PIEZO2: variants seen among roughly 807,000 people sequenced by gnomAD.
PIEZO2 encodes piezo type mechanosensitive ion channel component 2, also known as piezo-type mechanosensitive ion channel component 2.
In PIEZO2, 172 loss-of-function variants were observed where a neutral mutation model predicts 337.3. The ratio of observed to expected loss-of-function variants is 0.51; its 90% CI spans 0.45 to 0.58. PIEZO2 has a LOEUF of 0.58. Among genes scored for constraint, PIEZO2 ranks in the 20% least tolerant of loss-of-function variants. The pLI, the probability that PIEZO2 is intolerant of heterozygous loss-of-function variation, is 0.00. For missense variants in PIEZO2, 3,028 were observed against 3,391.3 expected, an observed-to-expected ratio of 0.89 and a Z score of 2.66; for synonymous variants, 1,251 against 1,228.5, an observed-to-expected ratio of 1.02 and a Z score of -0.38.
In PIEZO2 at chr18:11,057,916, T is replaced by G. The variant is rs189763872; in HGVS notation, c.160+8211A>C. Among the ~76,000 whole-genome samples the G allele has an allele frequency of 7.2e-5, 11 of 152,340 alleles. 1 individual carries two copies. Among genetic ancestry groups the G allele is most frequent in the Admixed American group, 6.5e-4 (10 of 15,306 alleles). ...TCTATAGCACAGTAGTATGTAACAC[T>G]TTGCAACAAATCATCAGCTTAAACA... is the stretch of plus-strand genomic sequence containing the variant. On this transcript the variant is annotated intron_variant, in intron 2 of 55. Transcript: ENST00000674853.
intron 49 of PIEZO2, among the ~76,000 whole-genome samples, chr18:10,684,155 C>CTTTTTTTTTTTTTTT (rs71169941): frequency 1.6e-5 from 1 of 61,396 alleles, no homozygotes; most frequent in African/African-American, 6.6e-5. Context: ...TGTCTTTCCT[C>CTTTTTTTTTTTTTTT]TTTTTTTTTT....
intron 3 of PIEZO2, among the ~76,000 whole-genome samples, chr18:10,944,356 T>A (rs2032892639): frequency 1.3e-5 from 2 of 151,694 alleles, no homozygotes; most frequent in Non-Finnish European, 2.9e-5. Flanking sequence ...GGATAACGTG[T>A]ACCAATTTTT....
At chr18:10,914,771 G>C (rs1415663519) in intron 3 of PIEZO2, among the ~76,000 whole-genome samples, 2 of 152,080 alleles carry the variant, frequency 1.3e-5, no homozygotes, top group African/African-American at 4.8e-5. Context: ...TGTAGATCCA[G>C]TATCCGGTCA....
intron 2 of PIEZO2, among the ~76,000 whole-genome samples, chr18:11,049,065 A>G (rs1333820317): frequency 6.6e-6 from 1 of 152,182 alleles, no homozygotes; most frequent in East Asian, 1.9e-4. Flanking sequence ...AATTGACTCA[A>G]AAAATACATA....
At chr18:10,704,711 T>C (rs2035496075) in intron 41 of PIEZO2, 59 bp from the exon 42 acceptor site, 13 of 1,499,124 alleles carry the variant, frequency 8.7e-6, no homozygotes, top group Non-Finnish European at 8.0e-6. Flanking sequence ...TGAGATGGAG[T>C]TTTGCTCTTG....
intron 1 of PIEZO2, among the ~76,000 whole-genome samples, chr18:11,108,133 A>C (rs2039622680): frequency 6.6e-6 from 1 of 152,198 alleles, no homozygotes; most frequent in Non-Finnish European, 1.5e-5. Flanking sequence ...CTCTACATCC[A>C]GTGAGTAACA....
At chr18:11,011,961 A>G (rs1362964256) in intron 2 of PIEZO2, among the ~76,000 whole-genome samples, 1 of 152,254 alleles carries the variant, frequency 6.6e-6, no homozygotes, top group African/African-American at 2.4e-5. Context: ...TGCCTCGGCA[A>G]GAGAGCAAGA....
chr18:11,029,136 G>A (rs1213349593), intron 2 of PIEZO2, among the ~76,000 whole-genome samples: 1 of 152,082 alleles, frequency 6.6e-6, no homozygotes, highest in Non-Finnish European at 1.5e-5. Flanking sequence ...TTCAATTTAA[G>A]AATGTATCTG....
chr18:10,904,820 A>G (rs761160274), intron 4 of PIEZO2, among the ~76,000 whole-genome samples: 2 of 152,266 alleles, frequency 1.3e-5, no homozygotes, highest in South Asian at 2.1e-4. Context: ...TTCGCCCAGC[A>G]TAACTCAGTA....
intron 4 of PIEZO2, among the ~76,000 whole-genome samples, chr18:10,885,668 T>C (rs1300072542): frequency 6.6e-6 from 1 of 152,100 alleles, no homozygotes; most frequent in Non-Finnish European, 1.5e-5. Flanking sequence ...TTTTCCTAAG[T>C]GTTTGGAGAG....
chr18:11,099,794 T>C lies in PIEZO2; in HGVS notation c.65-33572A>G, dbSNP rs1396066964. Among the ~76,000 whole-genome samples, 2 of 152,234 alleles carry C rather than the reference T, an allele frequency of 1.3e-5. No individual in the cohort carries two copies. Among genetic ancestry groups the C allele is most frequent in the African/African-American group, 2.4e-5 (1 of 41,462 alleles). ...TTCTTAATGAGGTTGATTTTCTTTT[T>C]ATTTGATTCATTAGTGATTTGTATA... On this transcript the variant is annotated intron_variant, in intron 1 of 55. Coordinates refer to ENST00000674853, the MANE Select transcript of PIEZO2 (RefSeq NM_001378183.1). The surrounding 1 kb of genome is among the most constrained non-coding windows in gnomAD (Gnocchi z 5.4).
intron 3 of PIEZO2, among the ~76,000 whole-genome samples, chr18:10,959,697 C>A (rs1425393111): frequency 1.3e-5 from 2 of 151,986 alleles, no homozygotes; most frequent in African/African-American, 4.8e-5. Context: ...AGTGAGTTGT[C>A]CAAGGGTAAA....
intron 1 of PIEZO2, among the ~76,000 whole-genome samples, chr18:11,130,634 T>C (rs2040314065): frequency 6.6e-6 from 1 of 152,354 alleles, no homozygotes; most frequent in Non-Finnish European, 1.5e-5. Flanking sequence ...CAGAGGGAAG[T>C]AAATCCTACT....
chr18:11,090,207 C>A (rs1227672404), intron 1 of PIEZO2, among the ~76,000 whole-genome samples: 1 of 152,046 alleles, frequency 6.6e-6, no homozygotes. Context: ...AAACAGAGGT[C>A]CTCTCTGACC....
chr18:10,912,682 A>T (rs1377096034), intron 3 of PIEZO2, among the ~76,000 whole-genome samples: 2 of 152,192 alleles, frequency 1.3e-5, no homozygotes, highest in Admixed American at 1.3e-4. Flanking sequence ...CCTAGACATT[A>T]GGCTTCCTCA....
At position 10,711,408 on chromosome 18, in the gene PIEZO2, G is replaced by A. The variant is rs143491342; in HGVS notation, c.5424-2969C>T. ...AAGCCAGGCTCATGTGTGATACTCA[G>A]GAGGCCTATAAAACCCTTGAGATTG... On this transcript the variant is annotated intron_variant, in intron 39 of 55. Coordinates refer to ENST00000674853, the MANE Select transcript of PIEZO2 (RefSeq NM_001378183.1). Among the ~76,000 whole-genome samples, 1,388 of 152,164 alleles carry A rather than the reference G, an allele frequency of 9.1e-3. 19 individuals are homozygous for A. Among genetic ancestry groups the A allele is most frequent in the African/African-American group, 0.032 (1,320 of 41,520 alleles).
At chr18:10,956,504 T>G (rs1009873573) in intron 3 of PIEZO2, among the ~76,000 whole-genome samples, 2 of 152,204 alleles carry the variant, frequency 1.3e-5, no homozygotes, top group African/African-American at 4.8e-5. Flanking sequence ...TCCAATGTCA[T>G]TCTTCATAGA....
intron 1 of PIEZO2, among the ~76,000 whole-genome samples, chr18:11,118,457 C>T (rs1443098433): frequency 1.3e-5 from 2 of 152,306 alleles, no homozygotes; most frequent in African/African-American, 4.8e-5. Flanking sequence ...CTATTCCAAG[C>T]AGCATCAGAA....
intron 1 of PIEZO2, among the ~76,000 whole-genome samples, chr18:11,090,839 G>GA (rs531344321): frequency 6.6e-6 from 1 of 151,392 alleles, no homozygotes; most frequent in Non-Finnish European, 1.5e-5. Flanking sequence ...TGTGAACCCG[G>GA]GGGGGCAAAG....
Sources: gnomAD v4.1 joint callset for allele counts (sites outside exome capture counted in the v4.1 genomes callset) on GRCh38, gnomAD v4.1.1 for gene constraint, Gnocchi (gnomAD v3.1) non-coding constraint, MANE v1.5 for transcripts, NCBI Gene and HGNC (gene_info 2026-07-23, HGNC 2026-07-21) for gene names.